SLC30A10: variants seen among roughly 807,000 people sequenced by gnomAD.
The protein encoded by SLC30A10 is calcium/manganese antiporter SLC30A10.
In SLC30A10, 8 loss-of-function variants were observed where a neutral mutation model predicts 21.7. The observed-to-expected ratio is 0.37, with a 90% confidence interval of 0.22 to 0.67. The LOEUF (loss-of-function observed/expected upper bound fraction) is 0.67, where lower values mean the gene tolerates loss of function less well. SLC30A10 is among the 30% of genes least tolerant of loss of function. The pLI is 0.58. For missense variants in SLC30A10, 521 were observed against 642.5 expected (o/e 0.81, Z 2.04); for synonymous variants, 272 against 279.4 (o/e 0.97, Z 0.26).
At chr1:219,927,678 C>CAA (rs111682715) in intron 1 of SLC30A10, 123 bp downstream of exon 1, 47 of 319,146 alleles carry the variant, frequency 1.5e-4, no homozygotes, top group Middle Eastern at 7.8e-4. Context: ...ACAACAACAA[C>CAA]AAAAAAAAAA....
intron 2 of SLC30A10, among the ~76,000 whole-genome samples, chr1:219,924,941 A>G (rs1659778860): frequency 6.6e-6 from 1 of 152,180 alleles, no homozygotes. Context: ...CAGAGCCATG[A>G]TTCACACTCA....
rs553329020 is a variant in SLC30A10 at position 219,912,869 on chromosome 1, T to G, written c.*2580A>C. Among the ~76,000 whole-genome samples, 1 of 151,688 alleles carries G rather than the reference T, an allele frequency of 6.6e-6. No individual in the cohort carries two copies. The highest frequency in any genetic ancestry group is 1.5e-5 in the Non-Finnish European group (1 of 67,914). On this transcript the variant is annotated 3_prime_UTR_variant, in exon 4 of 4. Transcript: ENST00000366926. ...ACAAACAAACCAAAAAAAAATTATG[T>G]CAGTTCTTTAAAAAAAGGCGGGGAG... is the stretch of plus-strand genomic sequence containing the variant.
In SLC30A10 at chr1:219,912,750, C is replaced by T. The variant is rs561517951; in HGVS notation, c.*2699G>A. 3.9e-5 allele frequency among the ~76,000 whole-genome samples: 6 copies of T among 152,074 alleles called. No individual in the cohort carries two copies. The highest frequency in any genetic ancestry group is 2.4e-5 in the African/African-American group (1 of 41,494). ...TCGGGAGGCTGAGGCAGGAGAATGG[C>T]GTGAACCCAGGAGGCAGAGCTTGCA... On this transcript the variant is annotated 3_prime_UTR_variant, in exon 4 of 4. Coordinates refer to ENST00000366926, the MANE Select transcript of SLC30A10 (RefSeq NM_018713.3).
rs1659490762 is a variant in SLC30A10, at chr1:219,914,638, A to G, written c.*811T>C. ...AAAATAAGTAAATCATTATCAAAGCACTAAATGAAAACAGCTCCAACTATA... is the reference window on the plus strand; with the variant it reads ...AAAATAAGTAAATCATTATCAAAGCGCTAAATGAAAACAGCTCCAACTATA... On this transcript the variant is annotated 3_prime_UTR_variant, in exon 4 of 4. Coordinates refer to ENST00000366926, the MANE Select transcript of SLC30A10 (RefSeq NM_018713.3). The G allele has an allele frequency of 6.6e-6, 1 of 152,220 alleles. No homozygotes were observed. Among genetic ancestry groups the G allele is most frequent in the African/African-American group, 2.4e-5 (1 of 41,454 alleles). 9.4% of individuals were successfully genotyped at this position (152,220 alleles called of 1,614,324 possible).
At position 219,913,038 on chromosome 1, in the gene SLC30A10, A is replaced by G. The variant is rs1427529103; in HGVS notation, c.*2411T>C. 6.6e-6 allele frequency among the ~76,000 whole-genome samples: 1 copy of G among 152,244 alleles called. No individual in the cohort carries two copies. The highest frequency in any genetic ancestry group is 1.5e-5 in the Non-Finnish European group (1 of 68,046). ...CCAAGCAGGGCTGATTTAAAGGGAA[A>G]AAGAAAACTCTTGTATTTCCTTGGG... On this transcript the variant is annotated 3_prime_UTR_variant, in exon 4 of 4. Transcript: ENST00000366926.
At chr1:219,922,452 G>A (rs1659719883) in intron 2 of SLC30A10, among the ~76,000 whole-genome samples, 1 of 151,910 alleles carries the variant, frequency 6.6e-6, no homozygotes, top group Admixed American at 6.6e-5. Context: ...ACTTCAACAG[G>A]CAACCACAGG....
At chr1:219,939,417 G>C (rs987865803) in intron 1 of SLC30A10, among the ~76,000 whole-genome samples, 4 of 151,936 alleles carry the variant, frequency 2.6e-5, no homozygotes, top group African/African-American at 9.7e-5. Flanking sequence ...GCAGGTCATG[G>C]GTTTCTTTTT....
chr1:219,948,077 G>C (rs985674118), intron 1 of SLC30A10, among the ~76,000 whole-genome samples: 1 of 151,778 alleles, frequency 6.6e-6, no homozygotes, highest in Non-Finnish European at 1.5e-5. Flanking sequence ...TCTCTTCAAG[G>C]AGAACTACAA....
At chr1:219,925,651 A>ATATATATTTTTTTTTTTTT (rs1317554458) in intron 2 of SLC30A10, among the ~76,000 whole-genome samples, 1 of 48,284 alleles carries the variant, frequency 2.1e-5, no homozygotes, top group African/African-American at 1.2e-4. Flanking sequence ...ATATATATAT[A>ATATATATTTTTTTTTTTTT]TTTTTTTTTT....
At chr1:219,954,159 C>A (rs564884195) in intron 1 of SLC30A10, among the ~76,000 whole-genome samples, 2 of 151,948 alleles carry the variant, frequency 1.3e-5, no homozygotes, top group African/African-American at 4.8e-5. Context: ...TCAGCGGCTA[C>A]AGGACTGTCC....
At chr1:219,922,737 G>C (rs1017175320) in intron 2 of SLC30A10, among the ~76,000 whole-genome samples, 2 of 152,178 alleles carry the variant, frequency 1.3e-5, no homozygotes, top group African/African-American at 4.8e-5. Flanking sequence ...CTCTGAGAAT[G>C]ACCAAGAGGT....
At chr1:219,940,002 C>T (rs1279413569) in intron 1 of SLC30A10, among the ~76,000 whole-genome samples, 3 of 152,198 alleles carry the variant, frequency 2.0e-5, no homozygotes, top group South Asian at 2.1e-4. Flanking sequence ...CTCTACTCCA[C>T]GTTCTCCTAG....
At chr1:219,940,125 G>A (rs185878338) in intron 1 of SLC30A10, among the ~76,000 whole-genome samples, 9 of 152,178 alleles carry the variant, frequency 5.9e-5, no homozygotes, top group Admixed American at 2.6e-4. Context: ...AGACTCGAAG[G>A]TTGAATCAGA....
At chr1:219,940,516 T>C (rs1399012467) in intron 1 of SLC30A10, among the ~76,000 whole-genome samples, 4 of 152,162 alleles carry the variant, frequency 2.6e-5, no homozygotes, top group African/African-American at 4.8e-5. Flanking sequence ...GGATGGTTTG[T>C]TATAGAGTAA....
intron 1 of SLC30A10, among the ~76,000 whole-genome samples, chr1:219,938,485 C>T (rs1165353781): frequency 6.6e-6 from 1 of 152,158 alleles, no homozygotes; most frequent in African/African-American, 2.4e-5. Context: ...ATTTGCCTTC[C>T]CCAGGGACCT....
rs1045827656 is a variant in SLC30A10, at chr1:219,923,212, G to A, written c.718+3816C>T. ...TCTATGATTCAGAAAGATAAATCTG[G>A]CAGCATTATCTGAGACATAAAGAGC... On this transcript the variant is annotated intron_variant, in intron 2 of 3. Transcript: ENST00000366926. Among the ~76,000 whole-genome samples the A allele has an allele frequency of 6.6e-5, 10 of 152,272 alleles. No individual in the cohort carries two copies. In the East Asian group the frequency reaches 1.9e-3, roughly 29 times the overall value.
chr1:219,933,159 C>T (rs1694589), upstream of SLC30A10, among the ~76,000 whole-genome samples: 9 of 151,982 alleles, frequency 5.9e-5, no homozygotes, highest in South Asian at 4.2e-4. Context: ...CCACCTAGAA[C>T]GAAGCAGCTC....
In SLC30A10 at chr1:219,918,524, G is replaced by T. The variant is rs192486069; in HGVS notation, c.719-30C>A. On this transcript the variant is annotated intron_variant, in intron 2 of 3. Transcript: ENST00000366926. The surrounding 1 kb of genome is among the most constrained non-coding windows in gnomAD (Gnocchi z 4.4). ...CAGGAAGAAAGACTACTGCAGCACA[G>T]ATGCAAATCTGGAAGCCACGTGACA... 6.5e-6 allele frequency: 10 copies of T among 1,540,836 alleles called. No individual in the cohort carries two copies. In the African/African-American group the frequency reaches 9.6e-5, roughly 15 times the overall value.
intron 2 of SLC30A10, among the ~76,000 whole-genome samples, chr1:219,922,979 C>T (rs971616358): frequency 1.3e-4 from 20 of 152,160 alleles, no homozygotes; most frequent in Non-Finnish European, 2.5e-4. Flanking sequence ...CTTCTCACCT[C>T]ACTACAGATG....
Sources: allele counts gnomAD v4.1 joint callset (sites outside exome capture counted in the v4.1 genomes callset), GRCh38; gene constraint gnomAD v4.1.1; non-coding constraint Gnocchi (gnomAD v3.1); transcripts MANE v1.5; gene names NCBI Gene and HGNC (gene_info 2026-07-23, HGNC 2026-07-21).